KRT72: variants seen among roughly 807,000 people sequenced by gnomAD.
KRT72 encodes keratin 72.
A neutral mutation model predicts 44.7 loss-of-function variants in KRT72; 44 were observed. That is an observed-to-expected ratio of 0.98 (90% confidence interval 0.77 to 1.27). The LOEUF (loss-of-function observed/expected upper bound fraction) is 1.27. Ranked by LOEUF, KRT72 falls within the 50% of genes most tolerant of loss-of-function variation. The probability of loss-of-function intolerance (pLI) is 0.00; values close to 1 mark genes in which losing one functional copy is unlikely to be tolerated. For missense variants in KRT72, 736 were observed against 667.1 expected (o/e 1.10, Z -1.14); for synonymous variants, 302 against 280.4 (o/e 1.08, Z -0.77).
At chr12:52,586,768 GAT>G (rs1193282952) in intron 8 of KRT72, among the ~76,000 whole-genome samples, 176 bp downstream of exon 8, 3 of 152,170 alleles carry the variant, frequency 2.0e-5, no homozygotes, top group African/African-American at 7.2e-5. Context: ...TGTCTCTCAT[GAT>G]AGTCTTCTCC....
At chr12:52,587,878 AAG>A (rs1712782896) in intron 6 of KRT72, 27 bp from the exon 7 acceptor site, 2 of 1,604,122 alleles carry the variant, frequency 1.2e-6, no homozygotes, top group East Asian at 2.2e-5. Context: ...TCCAGCACTT[AAG>A]AGTCAGAGCC....
chr12:52,599,491 C>G, intron 1 of KRT72: 1 of 459,668 alleles, frequency 2.2e-6, no homozygotes, highest in Middle Eastern at 5.6e-4. Flanking sequence ...TTAGAGCGTT[C>G]CTCCTGTTGT....
chr12:52,594,631 T>G (rs904956966), intron 2 of KRT72, among the ~76,000 whole-genome samples: 4 of 151,746 alleles, frequency 2.6e-5, no homozygotes, highest in Admixed American at 2.6e-4. Context: ...GGGATAGCAT[T>G]GGGAGAAACA....
intron 5 of KRT72, among the ~76,000 whole-genome samples, chr12:52,591,239 G>A (rs1940004966): frequency 6.6e-6 from 1 of 152,160 alleles, no homozygotes; most frequent in African/African-American, 2.4e-5. Context: ...ATAGGAGAAG[G>A]GCTAAGCCCC....
chr12:52,602,528 C>T (rs1459848606), upstream of KRT72, among the ~76,000 whole-genome samples: 3 of 152,228 alleles, frequency 2.0e-5, no homozygotes, highest in Non-Finnish European at 4.4e-5. Context: ...TTAGCAACAG[C>T]TCTCCTGTTC....
At chr12:52,591,086 A>G in intron 5 of KRT72, 125 bp from the exon 6 acceptor site, 3 of 947,960 alleles carry the variant, frequency 3.2e-6, no homozygotes, top group Non-Finnish European at 4.4e-6. Flanking sequence ...CAAACATGAG[A>G]GCCTTGGCAG....
rs1357307633 is a variant in KRT72, at chr12:52,601,285, TC to T, written c.167del (p.Arg56GlnfsTer77). 1.2e-5 allele frequency: 18 copies of T among 1,551,160 alleles called. No homozygotes were observed. Among genetic ancestry groups the T allele is most frequent in the Non-Finnish European group, 1.4e-5 (16 of 1,148,720 alleles). ...SKSLSCLGGS[R>X]SLALSAAARR... is the part of the protein sequence containing the mutation. ...GTGCAGCAGCGCTGAGCGCCAGGCT[TC>T]GGCTGCCCCCAAGGCAGGAGAGGCT... On this transcript the variant is annotated frameshift_variant, in exon 1 of 9. Coordinates refer to ENST00000293745, the MANE Select transcript of KRT72 (RefSeq NM_080747.3). LOFTEE classifies it high-confidence loss of function.
Position 52,587,687 on chromosome 12 carries a change from C to T in KRT72, c.1254G>A (p.Leu418=). ...AGGTGGCGATCTCCATATCCAGGGC[C>T]AGCTTCAGGCTCACGAGCTCCTGGT... is the stretch of plus-strand genomic sequence containing the variant. ...REYQELVSLK[L]ALDMEIATYR... is the part of the protein sequence containing the mutation. The change falls in exon 7 of 9, where the codon CTG becomes CTA. Residue 418 remains leucine, a synonymous_variant. Transcript: ENST00000293745. The T allele has an allele frequency of 1.2e-6, 2 of 1,614,212 alleles. No homozygotes were observed. The highest frequency in any genetic ancestry group is 1.7e-6 in the Non-Finnish European group (2 of 1,180,040).
At position 52,592,387 on chromosome 12, in the gene KRT72, A is replaced by G; in HGVS notation, c.798+9T>C. On this transcript the variant is annotated intron_variant, in intron 4 of 8. Coordinates refer to ENST00000293745, the MANE Select transcript of KRT72 (RefSeq NM_080747.3). ...CAGATCTCACAAGAGAGGTCAGCCA[A>G]GTCCTTACCCCTTCATAAAGGCACT... is the stretch of plus-strand genomic sequence containing the variant. The G allele has an allele frequency of 6.3e-7, 1 of 1,587,766 alleles. No homozygotes were observed. The highest frequency in any genetic ancestry group is 8.6e-7 in the Non-Finnish European group (1 of 1,156,288).
intron 2 of KRT72, among the ~76,000 whole-genome samples, chr12:52,596,353 A>G (rs918515481): frequency 5.9e-5 from 9 of 152,198 alleles, no homozygotes; most frequent in African/African-American, 1.9e-4. Context: ...ATATTCATAC[A>G]TGGATAACTA....
chr12:52,594,834 T>C (rs1396240984), intron 2 of KRT72, among the ~76,000 whole-genome samples: 2 of 152,230 alleles, frequency 1.3e-5, no homozygotes, highest in Non-Finnish European at 2.9e-5. Flanking sequence ...GGATGTTTTC[T>C]GAGGCTGCAG....
Position 52,586,165 on chromosome 12 carries a change from G to T in KRT72, c.1353C>A (p.Ile451=). 3.1e-6 allele frequency: 5 copies of T among 1,613,496 alleles called. No individual in the cohort carries two copies. The highest frequency in any genetic ancestry group is 4.2e-6 in the Non-Finnish European group (5 of 1,179,672). ...EYPNSVSISV[I]SSTNAGAGGA... The stretch of plus-strand genomic sequence containing the variant: ...CTCCTGCCCCAGCATTGGTGCTGCT[G>T]ATGACGGCTGGAATGGATGAGAGAA... The change falls in exon 9 of 9, where the codon ATC becomes ATA. Residue 451 remains isoleucine, a synonymous_variant. Coordinates refer to ENST00000293745, the MANE Select transcript of KRT72 (RefSeq NM_080747.3).
chr12:52,591,645 GA>G lies in KRT72; in HGVS notation c.799-18del. 1 of 1,597,108 alleles carries G rather than the reference GA, an allele frequency of 6.3e-7. No homozygotes were observed. The highest frequency in any genetic ancestry group is 8.6e-7 in the Non-Finnish European group (1 of 1,167,362). On this transcript the variant is annotated intron_variant, in intron 4 of 8. Coordinates refer to ENST00000293745, the MANE Select transcript of KRT72 (RefSeq NM_080747.3). ...AGTGATCTCCTGGGGACGGTTGGGG[GA>G]GGGGAGCTAGTTAAGGGGTACTCAT...
intron 2 of KRT72, among the ~76,000 whole-genome samples, chr12:52,596,553 CTTTCTTTTTTTT>C (rs1480997380): frequency 6.7e-6 from 1 of 148,704 alleles, no homozygotes. Context: ...TTCTTTTTTT[CTTTCTTTTTTTT>C]TTTTTAGACA....
chr12:52,593,117 G>C (rs1252407501), intron 2 of KRT72, among the ~76,000 whole-genome samples, 165 bp from the exon 3 acceptor site: 1 of 152,176 alleles, frequency 6.6e-6, no homozygotes. Flanking sequence ...CAAGGACATA[G>C]TTAAAGGAAT....
chr12:52,601,518 G>C (rs1235345794), upstream of KRT72: 11 of 1,482,838 alleles, frequency 7.4e-6, no homozygotes, highest in Non-Finnish European at 9.0e-6. Flanking sequence ...CTGCGTTCTC[G>C]GCCCAGCTCG....
chr12:52,586,163 C>T lies in KRT72; in HGVS notation c.1355G>A (p.Ser452Asn), dbSNP rs199503972. ...CCCTCCTGCCCCAGCATTGGTGCTG[C>T]TGATGACGGCTGGAATGGATGAGAG... is the stretch of plus-strand genomic sequence containing the variant. ...YPNSVSISVI[S>N]STNAGAGGAG... Residue 452 changes from serine to asparagine, a missense_variant, in exon 9 of 9, where the codon AGC becomes AAC. Ser to Asn is a conservative substitution (Grantham distance 46, BLOSUM62 1). Transcript: ENST00000293745. 4.1e-5 allele frequency: 66 copies of T among 1,613,430 alleles called. No individual in the cohort carries two copies. In the African/African-American group the frequency reaches 8.1e-4, roughly 20 times the overall value.
In KRT72 at chr12:52,601,012, T is replaced by A. The variant is rs371419189; in HGVS notation, c.426+15A>T. 1.5e-5 allele frequency: 24 copies of A among 1,609,674 alleles called. No individual in the cohort carries two copies. In the African/African-American group the frequency reaches 3.1e-4, roughly 21 times the overall value. On this transcript the variant is annotated intron_variant, in intron 1 of 8. Coordinates refer to ENST00000293745, the MANE Select transcript of KRT72 (RefSeq NM_080747.3). ...TGCGCCCAACGCAGGGACAGGCCAATGCCCGAGGACTCACCTTGTCGATGA... is the reference window on the plus strand; with the variant it reads ...TGCGCCCAACGCAGGGACAGGCCAAAGCCCGAGGACTCACCTTGTCGATGA...
intron 8 of KRT72, among the ~76,000 whole-genome samples, chr12:52,586,456 C>G (rs549777632): frequency 5.3e-5 from 8 of 152,342 alleles, no homozygotes; most frequent in Admixed American, 3.9e-4. Context: ...TCCCAGGGCC[C>G]ATCTGGTGCT....
Sources: allele counts gnomAD v4.1 joint callset (sites outside exome capture counted in the v4.1 genomes callset), GRCh38; gene constraint gnomAD v4.1.1; transcripts MANE v1.5; gene names NCBI Gene and HGNC (gene_info 2026-07-23, HGNC 2026-07-21).